PPP6R3: variants seen among roughly 807,000 people sequenced by gnomAD.
PPP6R3 encodes protein phosphatase 6 regulatory subunit 3.
Under a neutral mutation model 110.7 loss-of-function variants are expected in PPP6R3, and 38 were observed. That is an observed-to-expected ratio of 0.34 (90% confidence interval 0.26 to 0.45). PPP6R3 has a LOEUF of 0.45. Among genes scored for constraint, PPP6R3 ranks in the 20% least tolerant of loss-of-function variants. The pLI, the probability that PPP6R3 is intolerant of heterozygous loss-of-function variation, is 1.00. For synonymous variants in PPP6R3, 369 were observed against 373.5 expected, an observed-to-expected ratio of 0.99 and a Z score of 0.14; for missense variants, 870 against 1,062.4, an observed-to-expected ratio of 0.82 and a Z score of 2.52.
chr11:68,487,981 G>A (rs1254092140), intron 1 of PPP6R3, among the ~76,000 whole-genome samples: 1 of 152,138 alleles, frequency 6.6e-6, no homozygotes, highest in Non-Finnish European at 1.5e-5. Context: ...AACTATAATA[G>A]TAGATTCATC....
rs755696106 is a variant in PPP6R3 at position 68,544,854 on chromosome 11, T to A, written c.244T>A (p.Cys82Ser). ...KIRYKYPNISCELLTSDVSQM... is the reference protein window; with the variant it reads ...KIRYKYPNISSELLTSDVSQM... ...TTCTTCTAGGTATCCAAATATATCT[T>A]GTGAGTTGCTCACTTCTGATGTCTC... The change falls in exon 4 of 24, where the codon TGT (cysteine) becomes AGT (serine). Residue 82 changes from cysteine to serine, a missense_variant. By Grantham distance (112) the Cys-to-Ser change is moderately radical (BLOSUM62 -1). Coordinates refer to ENST00000393800, the MANE Select transcript of PPP6R3 (RefSeq NM_001164161.2). The A allele has an allele frequency of 6.3e-7, 1 of 1,599,804 alleles. No individual in the cohort carries two copies. Among genetic ancestry groups the A allele is most frequent in the Non-Finnish European group, 8.6e-7 (1 of 1,167,742 alleles).
chr11:68,561,101 G>A (rs996542342), intron 8 of PPP6R3, among the ~76,000 whole-genome samples: 4 of 151,810 alleles, frequency 2.6e-5, no homozygotes, highest in Non-Finnish European at 5.9e-5. Context: ...GGGTTTCACC[G>A]TGGTCTCGAT....
Position 68,470,767 on chromosome 11 carries a change from G to A in PPP6R3, c.-158+9940G>A, listed in dbSNP as rs117350531. Among the ~76,000 whole-genome samples the A allele has an allele frequency of 7.5e-3, 1,149 of 152,234 alleles. 5 individuals carry two copies. Among genetic ancestry groups the A allele is most frequent in the Non-Finnish European group, 0.012 (835 of 68,014 alleles). On this transcript the variant is annotated intron_variant, in intron 1 of 23. Transcript: ENST00000393800. ...CAGGATTTGCTGGCAGATTGGAGTGGGTGTGAGAGAGGAGTAAAGGATGAT... is the reference window on the plus strand; with the variant it reads ...CAGGATTTGCTGGCAGATTGGAGTGAGTGTGAGAGAGGAGTAAAGGATGAT...
At chr11:68,524,392 T>C (rs550539263) in intron 2 of PPP6R3, among the ~76,000 whole-genome samples, 88 of 152,250 alleles carry the variant, frequency 5.8e-4, no homozygotes, top group African/African-American at 2.0e-3. Flanking sequence ...GCCAGACTCT[T>C]TGTTTTCCTT....
intron 1 of PPP6R3, among the ~76,000 whole-genome samples, chr11:68,462,407 C>T (rs553342353): frequency 9.2e-5 from 14 of 152,232 alleles, no homozygotes; most frequent in African/African-American, 3.4e-4. Context: ...GTAGTAGCGC[C>T]TCATAATGTT....
chr11:68,509,905 A>G (rs971027290), intron 1 of PPP6R3, among the ~76,000 whole-genome samples: 1 of 150,184 alleles, frequency 6.7e-6, no homozygotes, highest in Non-Finnish European at 1.5e-5. Context: ...GCCTGCCACC[A>G]CACTCGGCAA....
chr11:68,478,424 A>C (rs1178377092), intron 1 of PPP6R3, among the ~76,000 whole-genome samples: 1 of 152,066 alleles, frequency 6.6e-6, no homozygotes, highest in Non-Finnish European at 1.5e-5. Context: ...TTTCCCACTA[A>C]AGTATATATA....
intron 3 of PPP6R3, among the ~76,000 whole-genome samples, chr11:68,539,535 G>T (rs1032134412): frequency 1.3e-5 from 2 of 152,196 alleles, no homozygotes; most frequent in Non-Finnish European, 1.5e-5. Flanking sequence ...GTTGGATAGG[G>T]CAGTACTCTG....
intron 2 of PPP6R3, among the ~76,000 whole-genome samples, chr11:68,536,378 C>G (rs541213132): frequency 6.6e-6 from 1 of 152,058 alleles, no homozygotes; most frequent in South Asian, 2.1e-4. Flanking sequence ...GCCTCAGCCT[C>G]CTTAGTAGCT....
intron 14 of PPP6R3, among the ~76,000 whole-genome samples, chr11:68,580,157 C>G (rs1421600264): frequency 6.6e-6 from 1 of 152,014 alleles, no homozygotes; most frequent in Non-Finnish European, 1.5e-5. Context: ...TGGGTTGTTC[C>G]TAGTGTGTGC....
intron 8 of PPP6R3, 29 bp downstream of exon 8, chr11:68,558,708 A>G (rs1446876911): frequency 6.6e-7 from 1 of 1,506,876 alleles, no homozygotes; most frequent in East Asian, 2.3e-5. Flanking sequence ...TTACAAAATG[A>G]ACCATGTTGT....
At chr11:68,487,893 A>G (rs905858742) in intron 1 of PPP6R3, among the ~76,000 whole-genome samples, 2 of 152,144 alleles carry the variant, frequency 1.3e-5, no homozygotes, top group African/African-American at 4.8e-5. Flanking sequence ...TGATGGTGCT[A>G]TTGAGTTCCA....
chr11:68,496,656 A>G (rs1363638710), intron 1 of PPP6R3, among the ~76,000 whole-genome samples: 1 of 151,526 alleles, frequency 6.6e-6, no homozygotes, highest in Non-Finnish European at 1.5e-5. Context: ...TATTTTTAGT[A>G]GAGTCGGGGT....
intron 2 of PPP6R3, among the ~76,000 whole-genome samples, chr11:68,529,644 T>A (rs2099225321): frequency 6.6e-6 from 1 of 152,262 alleles, no homozygotes. Flanking sequence ...TTCTTGTTAT[T>A]GCTATAAATG....
chr11:68,463,375 AAAGAT>A (rs2098722349), intron 1 of PPP6R3, among the ~76,000 whole-genome samples: 1 of 151,188 alleles, frequency 6.6e-6, no homozygotes, highest in African/African-American at 2.4e-5. Flanking sequence ...AAAAAAAAAA[AAAGAT>A]AGGGCTTTGC....
chr11:68,550,708 A>G (rs778772314), intron 5 of PPP6R3, among the ~76,000 whole-genome samples: 70 of 152,176 alleles, frequency 4.6e-4, no homozygotes, highest in Non-Finnish European at 2.5e-4. Context: ...ACTTGGTGCT[A>G]AATATTGCTC....
In PPP6R3 at chr11:68,569,730, G is replaced by A. The variant is rs746892087; in HGVS notation, c.1129-18G>A. The stretch of plus-strand genomic sequence containing the variant: ...ACATTGAGGTAACCGAATAAAACAT[G>A]GTTTTTCTTTTTTGTAGAACATGTT... On this transcript the variant is annotated intron_variant, in intron 10 of 23. Coordinates refer to ENST00000393800, the MANE Select transcript of PPP6R3 (RefSeq NM_001164161.2). 5 of 1,556,422 alleles carry A rather than the reference G, an allele frequency of 3.2e-6. No individual in the cohort carries two copies. Among genetic ancestry groups the A allele is most frequent in the South Asian group, 1.2e-5 (1 of 83,736 alleles).
intron 9 of PPP6R3, among the ~76,000 whole-genome samples, chr11:68,565,836 A>T (rs142533597): frequency 7.2e-5 from 11 of 152,200 alleles, no homozygotes; most frequent in African/African-American, 2.4e-4. Context: ...CTGTAAGTAG[A>T]TCCATGAAGT....
chr11:68,507,920 A>G (rs572068317), intron 1 of PPP6R3, among the ~76,000 whole-genome samples: 16 of 152,178 alleles, frequency 1.1e-4, no homozygotes, highest in African/African-American at 3.9e-4. Context: ...AGAAATTTAT[A>G]TGAGGCTGGG....
Sources: gnomAD v4.1 joint callset for allele counts (sites outside exome capture counted in the v4.1 genomes callset) on GRCh38, gnomAD v4.1.1 for gene constraint, MANE v1.5 for transcripts, NCBI Gene and HGNC (gene_info 2026-07-23, HGNC 2026-07-21) for gene names.